GFPT2: variants seen among roughly 807,000 people sequenced by gnomAD.
GFPT2 encodes the protein glutamine--fructose-6-phosphate aminotransferase [isomerizing] 2.
Under a neutral mutation model 85.6 loss-of-function variants are expected in GFPT2, and 62 were observed. That is an observed-to-expected ratio of 0.72 (90% CI 0.59 to 0.90). The LOEUF is 0.90. GFPT2 is among the 40% of genes least tolerant of loss of function. The pLI, the probability that GFPT2 is intolerant of heterozygous loss-of-function variation, is 0.00. For missense variants in GFPT2, 788 were observed against 893.4 expected (o/e 0.88, Z 1.50); for synonymous variants, 368 against 344.5 (o/e 1.07, Z -0.75).
At chr5:180,329,636 A>G (rs2127653602) in intron 6 of GFPT2, among the ~76,000 whole-genome samples, 1 of 152,332 alleles carries the variant, frequency 6.6e-6, no homozygotes, top group South Asian at 2.1e-4. Flanking sequence ...TCAACAGTAG[A>G]CTTACTTTTT....
intron 1 of GFPT2, 180 bp downstream of exon 1, chr5:180,353,031 G>A (rs1037725686): frequency 7.0e-6 from 3 of 429,484 alleles, no homozygotes; most frequent in African/African-American, 2.1e-5. Context: ...GCCACTCGGG[G>A]AACGCGGGTG....
At chr5:180,344,077 A>C (rs1418274229) in intron 1 of GFPT2, among the ~76,000 whole-genome samples, 1 of 152,236 alleles carries the variant, frequency 6.6e-6, no homozygotes, top group African/African-American at 2.4e-5. Flanking sequence ...GGCAAGGGAC[A>C]GTGCAGCCAC....
At chr5:180,321,126 TTGTA>T (rs1561877004) in intron 9 of GFPT2, among the ~76,000 whole-genome samples, 1 of 151,356 alleles carries the variant, frequency 6.6e-6, no homozygotes, top group African/African-American at 2.5e-5. Context: ...ACAAATAACT[TTGTA>T]TGCTTTGTAT....
chr5:180,324,442 G>C (rs1466070877), intron 8 of GFPT2, 137 bp from the exon 9 acceptor site: 2 of 615,726 alleles, frequency 3.2e-6, no homozygotes, highest in Non-Finnish European at 5.8e-6. Flanking sequence ...CAGCCAAATC[G>C]TGTAAAAGAT....
chr5:180,304,005 G>A (rs761869705), intron 17 of GFPT2, among the ~76,000 whole-genome samples: 6 of 152,068 alleles, frequency 3.9e-5, no homozygotes, highest in Admixed American at 6.6e-5. Flanking sequence ...TGGGGCTGGC[G>A]ACTGAGTTTG....
Position 180,314,033 on chromosome 5 carries a change from T to C in GFPT2, c.1274-69A>G, listed in dbSNP as rs895891209. ...GGCCCCACCCCAAACCCCTTCCTCC[T>C]TCACCGCCGGCTCTTACAGGGAAAT... On this transcript the variant is annotated intron_variant, in intron 13 of 18. Transcript: ENST00000253778. 4 of 1,431,728 alleles carry C rather than the reference T, an allele frequency of 2.8e-6. No homozygotes were observed. The African/African-American group carries it at 5.8e-5, about 21-fold the overall frequency. The allele number at this position is 1,431,728 out of a possible 1,614,324, so 88.7% of individuals were successfully genotyped here.
rs564827484 is a variant in GFPT2 at position 180,304,645 on chromosome 5, G to T, written c.1842+127C>A. The T allele has an allele frequency of 3.7e-4, 315 of 857,712 alleles. 5 individuals are homozygous for T. In the Middle Eastern group the frequency reaches 0.012, roughly 34 times the overall value. The allele number at this position is 857,712 out of a possible 1,614,324, so 53.1% of individuals were successfully genotyped here. On this transcript the variant is annotated intron_variant, in intron 17 of 18. Coordinates refer to ENST00000253778, the MANE Select transcript of GFPT2 (RefSeq NM_005110.4). ...TGCACTCCCCACAGGCGGCCCGGGG[G>T]AGGGTGTGTGGTCACAGCCACTCAC...
At chr5:180,317,707 C>T (rs1216242048) in intron 10 of GFPT2, among the ~76,000 whole-genome samples, 3 of 122,592 alleles carry the variant, frequency 2.4e-5, no homozygotes, top group Non-Finnish European at 5.2e-5. Context: ...TGCAGTGAGC[C>T]GAGATCGCGC....
In GFPT2 at chr5:180,304,790, C is replaced by A; in HGVS notation, c.1824G>T (p.Gln608His). Residue 608 changes from glutamine to histidine, a missense_variant, in exon 17 of 19, where the codon CAG becomes CAT. Physicochemically the swap from Gln to His is conservative, Grantham distance 24. Coordinates refer to ENST00000253778, the MANE Select transcript of GFPT2 (RefSeq NM_005110.4). ...PCFAKCQNAL[Q>H]QVTARQGRPI... ...CCCTCACCTGGCGGGCCGTGACTTG[C>A]TGCAGGGCGTTCTGGCATTTGGCGA... is the stretch of plus-strand genomic sequence containing the variant. The A allele has an allele frequency of 1.2e-6, 2 of 1,613,552 alleles. No homozygotes were observed. The highest frequency in any genetic ancestry group is 1.3e-5 in the African/African-American group (1 of 75,062).
At chr5:180,337,428 G>A (rs1236935153) in intron 2 of GFPT2, among the ~76,000 whole-genome samples, 1 of 148,854 alleles carries the variant, frequency 6.7e-6, no homozygotes, top group East Asian at 2.0e-4. Context: ...ACTTCAGCCT[G>A]GGTGACAGAG....
intron 1 of GFPT2, 150 bp downstream of exon 1, chr5:180,353,061 C>G: frequency 1.7e-6 from 1 of 598,848 alleles, no homozygotes; most frequent in Non-Finnish European, 2.4e-6. Context: ...CAGGCCCGGC[C>G]GACGACAGCC....
intron 10 of GFPT2, among the ~76,000 whole-genome samples, chr5:180,317,550 G>A (rs1182713559): frequency 1.3e-5 from 2 of 151,360 alleles, no homozygotes; most frequent in African/African-American, 2.5e-5. Flanking sequence ...ACGAAGTCAG[G>A]AGATCGAGAC....
In GFPT2 at chr5:180,328,367, C is replaced by T. The variant is rs368930569; in HGVS notation, c.535-29G>A. ...AAAACACACAAACAGTGAGGGTCAA[C>T]GCGTTCCAGCAGCCGCTGCTGCAGC... On this transcript the variant is annotated intron_variant, in intron 6 of 18. Coordinates refer to ENST00000253778, the MANE Select transcript of GFPT2 (RefSeq NM_005110.4). This position sits in a 1 kb window ranked among gnomAD's most constrained non-coding sequence, Gnocchi z 5.4. 1.8e-4 allele frequency: 282 copies of T among 1,583,776 alleles called. No individual in the cohort carries two copies. Among genetic ancestry groups the T allele is most frequent in the Non-Finnish European group, 2.2e-4 (257 of 1,153,312 alleles).
intron 13 of GFPT2, among the ~76,000 whole-genome samples, chr5:180,316,066 A>G (rs929357341): frequency 5.3e-5 from 8 of 152,212 alleles, no homozygotes; most frequent in African/African-American, 1.7e-4. Context: ...GATAGGCAAG[A>G]AGAGGGAGAA....
intron 1 of GFPT2, among the ~76,000 whole-genome samples, chr5:180,347,459 G>A (rs142608410): frequency 4.4e-4 from 67 of 152,282 alleles, no homozygotes; most frequent in Non-Finnish European, 9.0e-4. Flanking sequence ...AAATGAACCG[G>A]GAAAGGTCCC....
intron 1 of GFPT2, among the ~76,000 whole-genome samples, chr5:180,349,117 T>C (rs1297749197): frequency 2.6e-5 from 4 of 151,706 alleles, no homozygotes; most frequent in African/African-American, 9.7e-5. Flanking sequence ...AGGGAAGTGA[T>C]ATATATTTAA....
Position 180,330,686 on chromosome 5 carries a change from G to T in GFPT2, c.534+14C>A, listed in dbSNP as rs781682582. On this transcript the variant is annotated intron_variant, in intron 6 of 18. Coordinates refer to ENST00000253778, the MANE Select transcript of GFPT2 (RefSeq NM_005110.4). This position sits in a 1 kb window ranked among gnomAD's most constrained non-coding sequence, Gnocchi z 4.4. ...ATGAAGGAATGAGTTAGACAGATGGGATTTGTAACTCACCAACTGCTGAAT... is the reference window on the plus strand; with the variant it reads ...ATGAAGGAATGAGTTAGACAGATGGTATTTGTAACTCACCAACTGCTGAAT... The T allele has an allele frequency of 1.9e-6, 3 of 1,603,376 alleles. No individual in the cohort carries two copies. Among genetic ancestry groups the T allele is most frequent in the African/African-American group, 2.7e-5 (2 of 74,718 alleles).
chr5:180,321,895 T>C (rs1268821150), intron 9 of GFPT2, among the ~76,000 whole-genome samples: 1 of 152,150 alleles, frequency 6.6e-6, no homozygotes, highest in Non-Finnish European at 1.5e-5. Context: ...GCCATTCTCC[T>C]GCCTCAGCCT....
intron 15 of GFPT2, among the ~76,000 whole-genome samples, chr5:180,308,698 T>A (rs1763822564): frequency 6.6e-6 from 1 of 152,218 alleles, no homozygotes; most frequent in South Asian, 2.1e-4. Flanking sequence ...CTTTGTTAGG[T>A]TAAAATTTAT....
Sources: gnomAD v4.1 joint callset for allele counts (sites outside exome capture counted in the v4.1 genomes callset) on GRCh38, gnomAD v4.1.1 for gene constraint, Gnocchi (gnomAD v3.1) non-coding constraint, MANE v1.5 for transcripts, NCBI Gene and HGNC (gene_info 2026-07-23, HGNC 2026-07-21) for gene names.